GK5: variants seen among roughly 807,000 people sequenced by gnomAD.
GK5 encodes glycerol kinase 5.
In GK5, 39 loss-of-function variants were observed where a neutral mutation model predicts 77.3. That is an observed-to-expected ratio of 0.50 (90% CI 0.39 to 0.66). The LOEUF is 0.66. GK5 is among the 30% of genes least tolerant of loss of function. The pLI is 0.00. For missense variants in GK5, 487 were observed against 633.8 expected (o/e 0.77, Z 2.49); for synonymous variants, 211 against 208.0 (o/e 1.01, Z -0.13).
At chr3:142,181,599 A>G (rs1022480528) in intron 10 of GK5, 34 bp from the exon 11 acceptor site, 2 of 1,363,792 alleles carry the variant, frequency 1.5e-6, no homozygotes, top group African/African-American at 2.9e-5. Context: ...TAAGTCAAAT[A>G]TATGCATAAT....
At chr3:142,212,498 T>C (rs2064199980) in intron 3 of GK5, among the ~76,000 whole-genome samples, 1 of 151,986 alleles carries the variant, frequency 6.6e-6, no homozygotes, top group Admixed American at 6.6e-5. Flanking sequence ...ATCATGCCAC[T>C]ACACTCCAGC....
At chr3:142,209,632 G>A (rs1352102308) in intron 3 of GK5, among the ~76,000 whole-genome samples, 1 of 152,122 alleles carries the variant, frequency 6.6e-6, no homozygotes, top group Non-Finnish European at 1.5e-5. Context: ...TATATTTTAA[G>A]TCATAAGTAT....
At chr3:142,199,989 A>G (rs184793551) in intron 4 of GK5, among the ~76,000 whole-genome samples, 1 of 152,090 alleles carries the variant, frequency 6.6e-6, no homozygotes, top group African/African-American at 2.4e-5. Flanking sequence ...TTTTTAATTG[A>G]TAACACATCA....
In GK5 at chr3:142,170,396, T is replaced by C. The variant is rs1317123348; in HGVS notation, c.1370A>G (p.Glu457Gly). The C allele has an allele frequency of 6.2e-7, 1 of 1,613,992 alleles. No homozygotes were observed. The highest frequency in any genetic ancestry group is 1.1e-5 in the South Asian group (1 of 91,074). The change falls in exon 15 of 16, where the codon GAG becomes GGG. Residue 457 changes from glutamate to glycine, a missense_variant. Physicochemically the swap from Glu to Gly is moderately conservative, Grantham distance 98. Transcript: ENST00000392993. ...VMQMTSDLINENIDRPADIDM... is the reference protein window; with the variant it reads ...VMQMTSDLINGNIDRPADIDM... Reference sequence around the variant, plus strand: ...AATGTCGGCAGGTCTGTCTATATTCTCATTAATCAGGTCTGAAGTCATCTG... The same window carrying C: ...AATGTCGGCAGGTCTGTCTATATTCCCATTAATCAGGTCTGAAGTCATCTG...
Position 142,162,231 on chromosome 3 carries a change from T to C in GK5, c.*3391A>G, listed in dbSNP as rs2063431268. 1 of 152,236 alleles carries C rather than the reference T, an allele frequency of 6.6e-6. No homozygotes were observed. Among genetic ancestry groups the C allele is most frequent in the African/African-American group, 2.4e-5 (1 of 41,464 alleles). The allele number at this position is 152,236 out of a possible 1,614,324, so 9.4% of individuals were successfully genotyped here. A position where few individuals can be genotyped will look rare whatever the true frequency, so the allele number is the denominator to read the frequency against. ...CAGAAAGAAAAGGAGTATGACACTATATTCACTGAGTCTTCGATTTTCTTC... is the reference window on the plus strand; with the variant it reads ...CAGAAAGAAAAGGAGTATGACACTACATTCACTGAGTCTTCGATTTTCTTC... On this transcript the variant is annotated 3_prime_UTR_variant, in exon 16 of 16. Coordinates refer to ENST00000392993, the MANE Select transcript of GK5 (RefSeq NM_001039547.3).
chr3:142,198,036 A>T (rs116792437), intron 5 of GK5, among the ~76,000 whole-genome samples: 11,641 of 151,734 alleles, frequency 0.077, 544 homozygotes, highest in Middle Eastern at 0.11. Flanking sequence ...AAAAAAAAAA[A>T]GGTGAAGATA....
chr3:142,168,788 A>G (rs574727831), intron 15 of GK5, among the ~76,000 whole-genome samples: 1 of 130,634 alleles, frequency 7.7e-6, no homozygotes, highest in South Asian at 2.5e-4. Context: ...TCAGGTCCGA[A>G]CTCCTCTTTA....
chr3:142,188,525 C>G (rs909597098), intron 5 of GK5, among the ~76,000 whole-genome samples: 8 of 152,088 alleles, frequency 5.3e-5, no homozygotes, highest in Non-Finnish European at 1.5e-5. Context: ...GACTCCGTCT[C>G]AAAAACAAAA....
At position 142,186,458 on chromosome 3, in the gene GK5, T is replaced by C. The variant is rs769957693; in HGVS notation, c.675A>G (p.Pro225=). ...SNASTTGLFD[P]YKMCWSGMIT... is the part of the protein sequence containing the mutation. ...AAGAAAAAAAAATTTTTACCTTATATGGGTCAAAAAGTCCAGTTGTACTAG... is the reference window on the plus strand; with the variant it reads ...AAGAAAAAAAAATTTTTACCTTATACGGGTCAAAAAGTCCAGTTGTACTAG... Residue 225 remains proline (P), a synonymous_variant, in exon 7 of 16, where the codon CCA becomes CCG. Transcript: ENST00000392993. 3 of 1,546,478 alleles carry C rather than the reference T, an allele frequency of 1.9e-6. No homozygotes were observed. The highest frequency in any genetic ancestry group is 1.2e-5 in the South Asian group (1 of 80,710).
Position 142,215,700 on chromosome 3 carries a change from G to A in GK5, c.148-8C>T. The A allele has an allele frequency of 6.9e-7, 1 of 1,443,072 alleles. No homozygotes were observed. Among genetic ancestry groups the A allele is most frequent in the Non-Finnish European group, 9.7e-7 (1 of 1,030,010 alleles). The allele number at this position is 1,443,072 out of a possible 1,614,324, so 89.4% of individuals were successfully genotyped here. On this transcript the variant is annotated splice_polypyrimidine_tract_variant and splice_region_variant and intron_variant, in intron 1 of 15. Transcript: ENST00000392993. The stretch of plus-strand genomic sequence containing the variant: ...AGGATAAAGATTTTCTACCTATTAA[G>A]GAAAAGAAGATTTAGTAAAAACAGC...
At position 142,198,910 on chromosome 3, in the gene GK5, C is replaced by A; in HGVS notation, c.435G>T (p.Val145=). 2 of 1,612,308 alleles carry A rather than the reference C, an allele frequency of 1.2e-6. No homozygotes were observed. The highest frequency in any genetic ancestry group is 1.7e-6 in the Non-Finnish European group (2 of 1,178,832). ...LMKIFHSSCR[V]LHFFTRSKRL... ...GTTTACTTCTAGTGAAAAAGTGAAG[C>A]ACTCGGCAAGAACTGTGAAATATCT... The change falls in exon 5 of 16, where the codon GTG becomes GTT. Residue 145 remains valine, a synonymous_variant. Coordinates refer to ENST00000392993, the MANE Select transcript of GK5 (RefSeq NM_001039547.3).
intron 3 of GK5, among the ~76,000 whole-genome samples, chr3:142,208,996 A>G: frequency 6.6e-6 from 1 of 152,122 alleles, no homozygotes; most frequent in East Asian, 1.9e-4. Context: ...AAAAATACAA[A>G]AAATTAGCCG....
chr3:142,211,863 G>A (rs903689693), intron 3 of GK5, among the ~76,000 whole-genome samples: 2 of 152,106 alleles, frequency 1.3e-5, no homozygotes, highest in Admixed American at 1.3e-4. Context: ...TTAAACCAAT[G>A]TTCTAGTCAC....
intron 3 of GK5, among the ~76,000 whole-genome samples, chr3:142,210,352 T>C (rs1293471360): frequency 1.3e-5 from 2 of 152,116 alleles, no homozygotes; most frequent in Non-Finnish European, 2.9e-5. Context: ...TGTCTCTCCT[T>C]TTCTCTCACA....
At chr3:142,176,355 G>C (rs949067095) in intron 12 of GK5, among the ~76,000 whole-genome samples, 2 of 151,922 alleles carry the variant, frequency 1.3e-5, no homozygotes, top group African/African-American at 4.8e-5. Flanking sequence ...GAAAGAGAAA[G>C]TTGTATTTTT....
In GK5 at chr3:142,159,709, ATTTAAC is replaced by A. The variant is rs961360316; in HGVS notation, c.*5907_*5912del. Reference sequence around the variant, plus strand: ...CCACCAACACGATTTTGAATCATCTATTTAACTTTTTTAGATTACCCATTTTGACTG... The same window carrying A: ...CCACCAACACGATTTTGAATCATCTATTTTTTAGATTACCCATTTTGACTG... On this transcript the variant is annotated 3_prime_UTR_variant, in exon 16 of 16. Transcript: ENST00000392993. 7.9e-5 allele frequency: 12 copies of A among 152,074 alleles called. No homozygotes were observed. Among genetic ancestry groups the A allele is most frequent in the African/African-American group, 2.9e-4 (12 of 41,420 alleles). 9.4% of individuals were successfully genotyped at this position (152,074 alleles called of 1,614,324 possible).
rs1240372510 is a variant in GK5, at chr3:142,164,680, G to C, written c.*942C>G. On this transcript the variant is annotated 3_prime_UTR_variant, in exon 16 of 16. Transcript: ENST00000392993. Reference sequence around the variant, plus strand: ...GGAACAAATAAAATACCCCAATAAAGGCAATTCTTAAGTGGTCAATAAATT... The same window carrying C: ...GGAACAAATAAAATACCCCAATAAACGCAATTCTTAAGTGGTCAATAAATT... 1 of 152,058 alleles carries C rather than the reference G, an allele frequency of 6.6e-6. No individual in the cohort carries two copies. Among genetic ancestry groups the C allele is most frequent in the Non-Finnish European group, 1.5e-5 (1 of 68,010 alleles). The allele number at this position is 152,058 out of a possible 1,614,324, so 9.4% of individuals were successfully genotyped here.
chr3:142,202,350 T>C (rs540792164), intron 4 of GK5, among the ~76,000 whole-genome samples: 7 of 152,158 alleles, frequency 4.6e-5, no homozygotes, highest in Non-Finnish European at 1.0e-4. Context: ...CTCAATTACT[T>C]CACCATTTTG....
At chr3:142,198,752 T>C (rs2107787670) in intron 5 of GK5, 50 bp downstream of exon 5, 1 of 1,494,184 alleles carries the variant, frequency 6.7e-7, no homozygotes, top group Non-Finnish European at 9.0e-7. Context: ...AGTCTTTATA[T>C]GGTTTCCACA....
Sources: gnomAD v4.1 joint callset for allele counts (sites outside exome capture counted in the v4.1 genomes callset) on GRCh38, gnomAD v4.1.1 for gene constraint, MANE v1.5 for transcripts, NCBI Gene and HGNC (gene_info 2026-07-23, HGNC 2026-07-21) for gene names.